SLC15A2: variants seen among roughly 807,000 people sequenced by gnomAD.
SLC15A2 encodes kidney H(+)/peptide cotransporter.
SLC15A2 carries 77 observed loss-of-function variants against 95.5 expected under a neutral mutation model. The observed-to-expected ratio is 0.81, with a 90% CI of 0.67 to 0.97. The LOEUF (loss-of-function observed/expected upper bound fraction) is 0.97, where lower values mean the gene tolerates loss of function less well. Ranked by LOEUF, SLC15A2 falls within the 50% of genes least tolerant of loss-of-function variation. The pLI is 0.00. For synonymous variants in SLC15A2, 306 were observed against 306.9 expected (o/e 1.00, Z 0.03); for missense variants, 893 against 874.4 (o/e 1.02, Z -0.27).
At chr3:121,908,989 A>AT (rs1415812124) in intron 3 of SLC15A2, among the ~76,000 whole-genome samples, 3 of 152,152 alleles carry the variant, frequency 2.0e-5, no homozygotes, top group African/African-American at 7.2e-5. Flanking sequence ...CCTGGTCAAC[A>AT]TAGCAAGACC....
intron 3 of SLC15A2, 47 bp from the exon 4 acceptor site, chr3:121,911,527 A>G (rs1709766871): frequency 2.3e-6 from 3 of 1,282,782 alleles, no homozygotes; most frequent in Non-Finnish European, 3.4e-6. Context: ...TATTATTCAA[A>G]TCTCTCAGTT....
chr3:121,939,297 A>C, intron 19 of SLC15A2, 52 bp from the exon 20 acceptor site: 1 of 1,360,814 alleles, frequency 7.3e-7, no homozygotes, highest in Non-Finnish European at 9.7e-7. Context: ...GTAGTTAGAA[A>C]TATTTACTTG....
intron 4 of SLC15A2, among the ~76,000 whole-genome samples, chr3:121,912,203 T>G (rs866303266): frequency 1.4e-4 from 22 of 152,296 alleles, no homozygotes; most frequent in African/African-American, 5.3e-4. Flanking sequence ...CCTGTGTACA[T>G]GTATTTATCC....
intron 19 of SLC15A2, among the ~76,000 whole-genome samples, chr3:121,936,557 A>T (rs1354649741): frequency 8.6e-5 from 13 of 150,518 alleles, no homozygotes; most frequent in African/African-American, 3.2e-4. Flanking sequence ...GTTGGTTTAA[A>T]GTCTGTTTTA....
chr3:121,934,164 A>C (rs1481904819), intron 19 of SLC15A2, among the ~76,000 whole-genome samples: 3 of 152,202 alleles, frequency 2.0e-5, no homozygotes, highest in Non-Finnish European at 4.4e-5. Flanking sequence ...TGATTACTGT[A>C]GCCTTGTAGT....
chr3:121,914,079 G>C (rs933330242), intron 5 of SLC15A2, among the ~76,000 whole-genome samples: 14 of 151,590 alleles, frequency 9.2e-5, no homozygotes, highest in African/African-American at 3.4e-4. Flanking sequence ...AGACCATTTG[G>C]GTTATTTTAT....
chr3:121,924,186 C>G (rs182308112), intron 11 of SLC15A2, among the ~76,000 whole-genome samples, 165 bp from the exon 12 acceptor site: 2 of 152,282 alleles, frequency 1.3e-5, no homozygotes, highest in African/African-American at 2.4e-5. Flanking sequence ...CTGTTCCCAT[C>G]CCCCAAATAA....
intron 15 of SLC15A2, 49 bp downstream of exon 15, chr3:121,928,604 C>A: frequency 6.4e-7 from 1 of 1,566,714 alleles, no homozygotes; most frequent in East Asian, 2.3e-5. Context: ...CTATATTGAT[C>A]TTGATTTTTC....
At chr3:121,896,984 CTAA>C (rs1709430224) in intron 2 of SLC15A2, among the ~76,000 whole-genome samples, 2 of 148,252 alleles carry the variant, frequency 1.3e-5, no homozygotes, top group East Asian at 4.2e-4. Flanking sequence ...CAGGTATGAG[CTAA>C]CAGCTCTTGG....
At chr3:121,931,859 C>T (rs1710239648) in intron 19 of SLC15A2, 124 bp downstream of exon 19, 1 of 615,418 alleles carries the variant, frequency 1.6e-6, no homozygotes, top group African/African-American at 1.8e-5. Context: ...ATATTTATTT[C>T]TAGCATAAGA....
intron 7 of SLC15A2, among the ~76,000 whole-genome samples, chr3:121,916,757 C>T (rs1709901865): frequency 6.6e-6 from 1 of 152,128 alleles, no homozygotes; most frequent in African/African-American, 2.4e-5. Flanking sequence ...TCAGCAGCTT[C>T]AGTTTTCTGG....
chr3:121,897,493 G>C lies in SLC15A2; in HGVS notation c.299G>C (p.Gly100Ala). The C allele has an allele frequency of 1.2e-6, 2 of 1,613,930 alleles. No individual in the cohort carries two copies. The highest frequency in any genetic ancestry group is 1.7e-6 in the Non-Finnish European group (2 of 1,179,992). Reference protein sequence around the residue: ...SSLCYFTPILGAAIADSWLGK... With the variant: ...SSLCYFTPILAAAIADSWLGK... Reference sequence around the variant, plus strand: ...CTCTGTTATTTTACTCCCATCCTGGGAGCAGCCATTGCTGACTCGTGGTTG... The same window carrying C: ...CTCTGTTATTTTACTCCCATCCTGGCAGCAGCCATTGCTGACTCGTGGTTG... The change falls in exon 3 of 22, where the codon GGA (glycine) becomes GCA (alanine). Residue 100 changes from glycine (G) to alanine (A), a missense_variant. Coordinates refer to ENST00000489711, the MANE Select transcript of SLC15A2 (RefSeq NM_021082.4).
intron 3 of SLC15A2, among the ~76,000 whole-genome samples, chr3:121,906,044 C>T (rs895847504): frequency 2.0e-5 from 3 of 152,172 alleles, no homozygotes; most frequent in Admixed American, 6.5e-5. Context: ...GTACTGGGTG[C>T]ATATATATTT....
At position 121,922,920 on chromosome 3, in the gene SLC15A2, A is replaced by C. The variant is rs992149400; in HGVS notation, c.867+59A>C. 3.2e-6 allele frequency: 5 copies of C among 1,562,024 alleles called. No individual in the cohort carries two copies. In the African/African-American group the frequency reaches 6.8e-5, roughly 21 times the overall value. ...GATAGAGTCTTTCCTAATGTTCAAA[A>C]TGATTCTATCCTACTGCATTCAACC... On this transcript the variant is annotated intron_variant, in intron 9 of 21. Coordinates refer to ENST00000489711, the MANE Select transcript of SLC15A2 (RefSeq NM_021082.4).
Position 121,930,905 on chromosome 3 carries a change from G to T in SLC15A2, c.1619G>T (p.Gly540Val). The T allele has an allele frequency of 6.2e-7, 1 of 1,613,624 alleles. No homozygotes were observed. Among genetic ancestry groups the T allele is most frequent in the Non-Finnish European group, 8.5e-7 (1 of 1,179,572 alleles). ...AGTACAGATACCTCTCTCAATGTTG[G>T]TGAAGACTATGGTGTGTCTGCTTAT... ...SLSTDTSLNV[G>V]EDYGVSAYRT... Residue 540 changes from glycine to valine, a missense_variant, in exon 18 of 22, where the codon GGT becomes GTT. Physicochemically the swap from Gly to Val is moderately radical, Grantham distance 109 (BLOSUM62 -3). Coordinates refer to ENST00000489711, the MANE Select transcript of SLC15A2 (RefSeq NM_021082.4).
intron 3 of SLC15A2, among the ~76,000 whole-genome samples, chr3:121,905,161 T>A (rs1203299231): frequency 6.6e-6 from 1 of 152,240 alleles, no homozygotes; most frequent in Non-Finnish European, 1.5e-5. Flanking sequence ...TATTCTCTGA[T>A]GGTAGTTTGT....
At chr3:121,939,199 A>G (rs1410976229) in intron 19 of SLC15A2, 150 bp from the exon 20 acceptor site, 3 of 549,434 alleles carry the variant, frequency 5.5e-6, no homozygotes, top group Non-Finnish European at 8.7e-6. Flanking sequence ...AGTTTTGAAA[A>G]GCTGGAATTG....
chr3:121,912,379 G>A (rs535648113), intron 4 of SLC15A2, among the ~76,000 whole-genome samples: 86 of 152,062 alleles, frequency 5.7e-4, no homozygotes, highest in African/African-American at 1.6e-3. Context: ...GATTACAGGC[G>A]GCTGCCACCA....
chr3:121,901,684 T>C (rs1422638793), intron 3 of SLC15A2, among the ~76,000 whole-genome samples: 2 of 152,122 alleles, frequency 1.3e-5, no homozygotes, highest in East Asian at 3.8e-4. Context: ...CTTCCTTAAG[T>C]TGGAAAATCA....
Sources: allele counts gnomAD v4.1 joint callset (sites outside exome capture counted in the v4.1 genomes callset), GRCh38; gene constraint gnomAD v4.1.1; transcripts MANE v1.5; gene names NCBI Gene and HGNC (gene_info 2026-07-23, HGNC 2026-07-21).